KLRB1: variants seen among roughly 807,000 people sequenced by gnomAD.
KLRB1 encodes killer cell lectin-like receptor subfamily B member 1.
Under a neutral mutation model 33.5 loss-of-function variants are expected in KLRB1, and 27 were observed. That is an observed-to-expected ratio of 0.81 (90% CI 0.59 to 1.11). The LOEUF is 1.11. KLRB1 is among the 50% of genes most tolerant of loss of function. The pLI is 0.00. For missense variants in KLRB1, 241 were observed against 254.1 expected, an observed-to-expected ratio of 0.95 and a Z score of 0.35; for synonymous variants, 64 against 88.9, an observed-to-expected ratio of 0.72 and a Z score of 1.58.
rs758289991 is a variant in KLRB1, at chr12:9,598,180, A to G, written c.415-19T>C. Reference sequence around the variant, plus strand: ...TGTGTATCTATAAATGGAACAGAAAAATATTGAATCTGCTTATCTATTCCT... The same window carrying G: ...TGTGTATCTATAAATGGAACAGAAAGATATTGAATCTGCTTATCTATTCCT... On this transcript the variant is annotated intron_variant, in intron 4 of 5. Coordinates refer to ENST00000229402, the MANE Select transcript of KLRB1 (RefSeq NM_002258.3). 6.8e-7 allele frequency: 1 copy of G among 1,462,836 alleles called. No homozygotes were observed. Among genetic ancestry groups the G allele is most frequent in the East Asian group, 2.3e-5 (1 of 43,814 alleles). 90.6% of individuals were successfully genotyped at this position (1,462,836 alleles called of 1,614,324 possible).
chr12:9,598,583 G>A lies in KLRB1; in HGVS notation c.330C>T (p.His110=). ...QLREKCLLFS[H]TVNPWNNSLA... is the part of the protein sequence containing the mutation. ...GACTGTTATTCCAAGGGTTGACAGT[G>A]TGAGAAAATAACAAGCATTTCTCTC... The change falls in exon 4 of 6, where the codon CAC becomes CAT. Residue 110 remains histidine, a synonymous_variant. Coordinates refer to ENST00000229402, the MANE Select transcript of KLRB1 (RefSeq NM_002258.3). 1.2e-6 allele frequency: 2 copies of A among 1,613,026 alleles called. No individual in the cohort carries two copies. The highest frequency in any genetic ancestry group is 1.7e-4 in the Middle Eastern group (1 of 6,054).
chr12:9,601,725 C>T lies in KLRB1; in HGVS notation c.86-126G>A, dbSNP rs1864545354. The T allele has an allele frequency of 1.4e-5, 9 of 642,968 alleles. No homozygotes were observed. In the South Asian group the frequency reaches 1.6e-4, roughly 11 times the overall value. The allele number at this position is 642,968 out of a possible 1,614,324, so 39.8% of individuals were successfully genotyped here. On this transcript the variant is annotated intron_variant, in intron 1 of 5. Transcript: ENST00000229402. ...ATAACATAGGGACAATTAGATTCAGCTTGGGGGATGGGGGCAGGGAACAAC... is the reference window on the plus strand; with the variant it reads ...ATAACATAGGGACAATTAGATTCAGTTTGGGGGATGGGGGCAGGGAACAAC...
Position 9,601,496 on chromosome 12 carries a change from C to G in KLRB1, c.184+5G>C. On this transcript the variant is annotated splice_donor_5th_base_variant and intron_variant, in intron 2 of 5. Transcript: ENST00000229402. Reference sequence around the variant, plus strand: ...TTATGAAACAGATGATGGTGCCCCACTTACCTGAAACACTCAACCCAGTAA... The same window carrying G: ...TTATGAAACAGATGATGGTGCCCCAGTTACCTGAAACACTCAACCCAGTAA... 6.3e-7 allele frequency: 1 copy of G among 1,598,940 alleles called. No homozygotes were observed. The highest frequency in any genetic ancestry group is 8.6e-7 in the Non-Finnish European group (1 of 1,166,250).
At chr12:9,606,682 G>A (rs1295425323) in intron 1 of KLRB1, among the ~76,000 whole-genome samples, 1 of 76,572 alleles carries the variant, frequency 1.3e-5, no homozygotes, top group Non-Finnish European at 2.3e-5. Flanking sequence ...TAAAATATAT[G>A]TATAAAAAGT....
intron 1 of KLRB1, among the ~76,000 whole-genome samples, chr12:9,607,405 T>TTTCTTTCTTTCTTTCTTTCTTTC (rs1565444748): frequency 8.3e-5 from 4 of 47,976 alleles, no homozygotes; most frequent in Non-Finnish European, 1.5e-4. Context: ...TCTTTCTTTC[T>TTTCTTTCTTTCTTTCTTTCTTTC]TTTCTTTCTT....
At chr12:9,602,361 G>A (rs184704822) in intron 1 of KLRB1, among the ~76,000 whole-genome samples, 6 of 151,818 alleles carry the variant, frequency 4.0e-5, no homozygotes, top group Non-Finnish European at 5.9e-5. Context: ...TAAATTAATC[G>A]CAACTTTATC....
rs751464890 is a variant in KLRB1 at position 9,598,564 on chromosome 12, T to C, written c.349A>G (p.Asn117Asp). 6.2e-7 allele frequency: 1 copy of C among 1,613,124 alleles called. No homozygotes were observed. Among genetic ancestry groups the C allele is most frequent in the South Asian group, 1.1e-5 (1 of 91,014 alleles). ...TTGGTGGAACAATCAGCTAGACTGT[T>C]ATTCCAAGGGTTGACAGTGTGAGAA... ...LFSHTVNPWN[N>D]SLADCSTKES... The change falls in exon 4 of 6, where the codon AAC becomes GAC. Residue 117 changes from asparagine to aspartate, a missense_variant. Physicochemically the swap from Asn to Asp is conservative, Grantham distance 23. Coordinates refer to ENST00000229402, the MANE Select transcript of KLRB1 (RefSeq NM_002258.3).
At chr12:9,607,362 T>TTCTTTCTTTCTTTCTTTCTTTCTTTCTC (rs1864627009) in intron 1 of KLRB1, among the ~76,000 whole-genome samples, 2 of 78,900 alleles carry the variant, frequency 2.5e-5, no homozygotes, top group African/African-American at 3.8e-5. Flanking sequence ...CTTCCTTTCT[T>TTCTTTCTTTCTTTCTTTCTTTCTTTCTC]TCTTTCTTTC....
Position 9,598,606 on chromosome 12 carries a change from C to G in KLRB1, c.307G>C (p.Glu103Gln), listed in dbSNP as rs141057839. The part of the protein sequence containing the change: ...NCPIYWQQLR[E>Q]KCLLFSHTVN... ...GTGTGAGAAAATAACAAGCATTTCT[C>G]TCGGAGTTGCTGCCAATATATTGGG... is the stretch of plus-strand genomic sequence containing the variant. The change falls in exon 4 of 6, where the codon GAG becomes CAG. Residue 103 changes from glutamate (E) to glutamine (Q), a missense_variant. Glu to Gln is a conservative substitution (Grantham distance 29, BLOSUM62 2). Transcript: ENST00000229402. 1 of 1,613,126 alleles carries G rather than the reference C, an allele frequency of 6.2e-7. No individual in the cohort carries two copies. Among genetic ancestry groups the G allele is most frequent in the Non-Finnish European group, 8.5e-7 (1 of 1,179,344 alleles).
rs1268987154 is a variant in KLRB1, at chr12:9,607,374, T to TTCTTTCTCTCTC, written c.85+380_85+381insGAGAGAGAAAGA. ...TTTCTTCCTTTCTTTCTTTCTTTCT[T>TTCTTTCTCTCTC]TCTTTCTTTCTTTCTTTCTTTCTTT... is the stretch of plus-strand genomic sequence containing the variant. On this transcript the variant is annotated intron_variant, in intron 1 of 5. Transcript: ENST00000229402. Among the ~76,000 whole-genome samples the TTCTTTCTCTCTC allele has an allele frequency of 2.2e-3, 205 of 94,236 alleles. 7 individuals are homozygous for TTCTTTCTCTCTC. Among genetic ancestry groups the TTCTTTCTCTCTC allele is most frequent in the Non-Finnish European group, 3.6e-3 (158 of 43,332 alleles). 61.8% of individuals were successfully genotyped at this position (94,236 alleles called of 152,430 possible). A position where few individuals can be genotyped will look rare whatever the true frequency, so the allele number is the denominator to read the frequency against.
At chr12:9,602,558 A>G (rs895503252) in intron 1 of KLRB1, among the ~76,000 whole-genome samples, 29 of 151,996 alleles carry the variant, frequency 1.9e-4, no homozygotes, top group Non-Finnish European at 1.9e-4. Flanking sequence ...TAGCTCCCCT[A>G]TCTCTGATTT....
rs1336534922 is a variant in KLRB1 at position 9,606,760 on chromosome 12, A to ATATTT, written c.85+994_85+995insAAATA. On this transcript the variant is annotated intron_variant, in intron 1 of 5. Coordinates refer to ENST00000229402, the MANE Select transcript of KLRB1 (RefSeq NM_002258.3). ...TATATATATATATATATATATATAT[A>ATATTT]TTTTTTTTTTTTTTTTGAGATAGTC... Among the ~76,000 whole-genome samples the ATATTT allele has an allele frequency of 2.5e-3, 158 of 63,728 alleles. 11 individuals carry two copies. Among genetic ancestry groups the ATATTT allele is most frequent in the African/African-American group, 0.012 (146 of 12,118 alleles). The allele number at this position is 63,728 out of a possible 152,430, so 41.8% of individuals were successfully genotyped here.
intron 1 of KLRB1, among the ~76,000 whole-genome samples, chr12:9,607,326 T>TTTCTTTC (rs1403665574): frequency 3.7e-5 from 2 of 53,788 alleles, no homozygotes; most frequent in Admixed American, 2.2e-4. Context: ...CTTTTCTTTC[T>TTTCTTTC]CTTTCTTTCC....
At chr12:9,599,415 T>G (rs11051841) in intron 3 of KLRB1, among the ~76,000 whole-genome samples, 1 of 152,166 alleles carries the variant, frequency 6.6e-6, no homozygotes, top group Non-Finnish European at 1.5e-5. Context: ...GTTCTATCAA[T>G]TAACTTCAGA....
chr12:9,595,270 A>T lies in KLRB1; in HGVS notation c.*4T>A. 6.2e-7 allele frequency: 1 copy of T among 1,612,640 alleles called. No individual in the cohort carries two copies. On this transcript the variant is annotated 3_prime_UTR_variant, in exon 6 of 6. Transcript: ENST00000229402. ...AAGCAAATAAATTGAGATGGGATTC[A>T]TAGTCAAGAGTCAGGATACACTTTA...
At chr12:9,607,162 A>C (rs1864614753) in intron 1 of KLRB1, among the ~76,000 whole-genome samples, 1 of 152,100 alleles carries the variant, frequency 6.6e-6, no homozygotes, top group Non-Finnish European at 1.5e-5. Context: ...TTATTACAGC[A>C]AGTTTGCAAT....
chr12:9,597,514 G>T (rs746928147), intron 5 of KLRB1, among the ~76,000 whole-genome samples: 1 of 152,264 alleles, frequency 6.6e-6, no homozygotes, highest in South Asian at 2.1e-4. Context: ...TAGCTCTTTT[G>T]TGGGTTAGAC....
intron 2 of KLRB1, 92 bp downstream of exon 2, chr12:9,601,409 G>A (rs1423824457): frequency 4.7e-6 from 4 of 842,262 alleles, no homozygotes; most frequent in East Asian, 2.5e-5. Flanking sequence ...ACCCACAGGT[G>A]TGTAGGGGCA....
intron 1 of KLRB1, among the ~76,000 whole-genome samples, chr12:9,607,400 CTTTCT>C (rs201585652): frequency 1.4e-5 from 1 of 73,054 alleles, no homozygotes; most frequent in African/African-American, 4.0e-5. Flanking sequence ...TTCTTTCTTT[CTTTCT>C]TTTCTTTCTT....
Sources: gnomAD v4.1 joint callset for allele counts (sites outside exome capture counted in the v4.1 genomes callset) on GRCh38, gnomAD v4.1.1 for gene constraint, MANE v1.5 for transcripts, NCBI Gene and HGNC (gene_info 2026-07-23, HGNC 2026-07-21) for gene names.